The following GNA12 variants were observed in gnomAD, a reference collection of about 807,000 sequenced individuals.
GNA12 encodes the protein G protein subunit alpha 12.
GNA12 carries 9 observed loss-of-function variants against 26.0 expected under a neutral mutation model. The observed-to-expected ratio is 0.35, with a 90% CI of 0.21 to 0.60. The LOEUF (loss-of-function observed/expected upper bound fraction) is 0.60, where lower values mean the gene tolerates loss of function less well. Ranked by LOEUF, GNA12 falls within the 20% of genes least tolerant of loss-of-function variation. The pLI is 0.78. For synonymous variants in GNA12, 264 were observed against 219.6 expected, an observed-to-expected ratio of 1.20 and a Z score of -1.79; for missense variants, 405 against 525.8, an observed-to-expected ratio of 0.77 and a Z score of 2.25.
rs555024959 is a variant in GNA12 at position 2,836,639 on chromosome 7, G to GA, written c.309+7213dup. Among the ~76,000 whole-genome samples, 497 of 152,260 alleles carry GA rather than the reference G, an allele frequency of 3.3e-3. 2 individuals carry two copies. Among genetic ancestry groups the GA allele is most frequent in the Non-Finnish European group, 4.5e-3 (304 of 68,016 alleles). On this transcript the variant is annotated intron_variant, in intron 1 of 3. Transcript: ENST00000275364. ...GCCCGTCCTATTCCAAATAACAAGA[G>GA]AAGGCCAGGTGCGGTGGCCCACACC...
At chr7:2,819,473 A>C (rs1793297740) in intron 1 of GNA12, among the ~76,000 whole-genome samples, 1 of 152,214 alleles carries the variant, frequency 6.6e-6, no homozygotes, top group African/African-American at 2.4e-5. Flanking sequence ...CAGAAAACCA[A>C]AACAGCTGTG....
intron 1 of GNA12, among the ~76,000 whole-genome samples, chr7:2,840,403 T>G (rs1778956521): frequency 6.6e-6 from 1 of 152,214 alleles, no homozygotes; most frequent in Non-Finnish European, 1.5e-5. Context: ...TTATGAAAAT[T>G]CAACACCATA....
chr7:2,817,960 G>A (rs747684804), intron 1 of GNA12, among the ~76,000 whole-genome samples: 4 of 152,114 alleles, frequency 2.6e-5, no homozygotes, highest in African/African-American at 4.8e-5. Flanking sequence ...TAGAACACCT[G>A]CTTTCATAGT....
chr7:2,775,755 A>G (rs556186548), intron 2 of GNA12, among the ~76,000 whole-genome samples: 2 of 152,322 alleles, frequency 1.3e-5, no homozygotes, highest in African/African-American at 2.4e-5. Context: ...AAGAGACCTC[A>G]GAGGCTCATC....
chr7:2,741,481 C>T (rs1177387662), intron 2 of GNA12, among the ~76,000 whole-genome samples: 1 of 152,206 alleles, frequency 6.6e-6, no homozygotes, highest in Non-Finnish European at 1.5e-5. Context: ...CACAGTTGGA[C>T]TGCCTGTTAG....
chr7:2,785,535 T>A (rs910104348), intron 2 of GNA12, among the ~76,000 whole-genome samples: 5 of 152,270 alleles, frequency 3.3e-5, no homozygotes, highest in African/African-American at 1.2e-4. Flanking sequence ...GATGGTTTAA[T>A]ATCTGAAATA....
chr7:2,789,175 G>A (rs1269319242), intron 2 of GNA12, among the ~76,000 whole-genome samples: 1 of 109,812 alleles, frequency 9.1e-6, no homozygotes, highest in African/African-American at 3.7e-5. Context: ...TCGCTCTGTC[G>A]CCCAGGCTGG....
At chr7:2,745,219 A>C (rs1790709319) in intron 2 of GNA12, among the ~76,000 whole-genome samples, 2 of 152,260 alleles carry the variant, frequency 1.3e-5, no homozygotes, top group Non-Finnish European at 2.9e-5. Context: ...CATAATTGTC[A>C]GATTCACCAA....
intron 2 of GNA12, among the ~76,000 whole-genome samples, chr7:2,770,561 G>A (rs535684854): frequency 3.1e-4 from 47 of 152,308 alleles, no homozygotes; most frequent in African/African-American, 1.1e-3. Context: ...GTTTGAGGAT[G>A]CAGTGAGCTA....
Position 2,844,056 on chromosome 7 carries a change from C to T in GNA12, c.106G>A (p.Ala36Thr). Residue 36 changes from alanine (A) to threonine (T), a missense_variant, in exon 1 of 4, where the codon GCC becomes ACC. Coordinates refer to ENST00000275364, the MANE Select transcript of GNA12 (RefSeq NM_007353.3). ...GSGARDAERE[A>T]RRRSRDIDAL... ...TCGATGTCGCGGCTACGCCTCCGGG[C>T]CTCGCGCTCCGCGTCGCGCGCGCCG... The T allele has an allele frequency of 8.3e-7, 1 of 1,204,446 alleles. No individual in the cohort carries two copies. The highest frequency in any genetic ancestry group is 1.0e-6 in the Non-Finnish European group (1 of 968,712). 74.6% of individuals were successfully genotyped at this position (1,204,446 alleles called of 1,614,324 possible). A position where few individuals can be genotyped will look rare whatever the true frequency, so the allele number is the denominator to read the frequency against.
At chr7:2,785,585 T>C (rs138741232) in intron 2 of GNA12, among the ~76,000 whole-genome samples, 3 of 152,360 alleles carry the variant, frequency 2.0e-5, no homozygotes, top group East Asian at 3.9e-4. Flanking sequence ...ATTTCTGACA[T>C]TGTGACTTAT....
At chr7:2,834,507 C>A (rs1778772817) in intron 1 of GNA12, among the ~76,000 whole-genome samples, 1 of 152,226 alleles carries the variant, frequency 6.6e-6, no homozygotes, top group Non-Finnish European at 1.5e-5. Flanking sequence ...AATATCCCTT[C>A]TGCATCAGCA....
At chr7:2,773,868 C>T (rs202173063) in intron 2 of GNA12, among the ~76,000 whole-genome samples, 11 of 152,286 alleles carry the variant, frequency 7.2e-5, no homozygotes, top group Admixed American at 2.0e-4. Flanking sequence ...TCTACCCGGA[C>T]GCCCATCACC....
At chr7:2,764,679 C>G (rs559789504) in intron 2 of GNA12, 1 of 152,200 alleles carries the variant, frequency 6.6e-6, no homozygotes, top group Non-Finnish European at 1.5e-5. Flanking sequence ...CTGAATGCAT[C>G]TGAGTTTTGC....
chr7:2,739,415 GC>G (rs1165781656), intron 2 of GNA12, among the ~76,000 whole-genome samples: 1 of 152,164 alleles, frequency 6.6e-6, no homozygotes, highest in African/African-American at 2.4e-5. Context: ...TTTACTTGGT[GC>G]GGCATTTCCG....
chr7:2,766,866 G>A (rs1417015343), intron 2 of GNA12, among the ~76,000 whole-genome samples: 1 of 152,100 alleles, frequency 6.6e-6, no homozygotes, highest in Non-Finnish European at 1.5e-5. Context: ...AGTGCACAAG[G>A]GTTCCAGTTT....
chr7:2,738,661 C>T (rs1790336314), intron 2 of GNA12, among the ~76,000 whole-genome samples: 1 of 151,706 alleles, frequency 6.6e-6, no homozygotes, highest in Non-Finnish European at 1.5e-5. Flanking sequence ...CAGGAGTAGC[C>T]CTCTCTGAGT....
chr7:2,746,216 C>T (rs1201765340), intron 2 of GNA12, among the ~76,000 whole-genome samples: 1 of 152,200 alleles, frequency 6.6e-6, no homozygotes, highest in Non-Finnish European at 1.5e-5. Flanking sequence ...ACAGAATATA[C>T]ATTCTTTTCA....
Position 2,844,033 on chromosome 7 carries a change from G to T in GNA12, c.129C>A (p.Ile43=), listed in dbSNP as rs1779092567. The T allele has an allele frequency of 2.1e-6, 3 of 1,435,594 alleles. No homozygotes were observed. The highest frequency in any genetic ancestry group is 1.5e-5 in the African/African-American group (1 of 67,504). 88.9% of individuals were successfully genotyped at this position (1,435,594 alleles called of 1,614,324 possible). A position where few individuals can be genotyped will look rare whatever the true frequency, so the allele number is the denominator to read the frequency against. The change falls in exon 1 of 4, where the codon ATC becomes ATA. Residue 43 remains isoleucine, a synonymous_variant. Coordinates refer to ENST00000275364, the MANE Select transcript of GNA12 (RefSeq NM_007353.3). The stretch of plus-strand genomic sequence containing the variant: ...GCCGCTCGCGGGCCAGCAGCGCGTC[G>T]ATGTCGCGGCTACGCCTCCGGGCCT... The part of the protein sequence containing the change: ...EREARRRSRD[I]DALLARERRA...
Sources: gnomAD v4.1 joint callset for allele counts (sites outside exome capture counted in the v4.1 genomes callset) on GRCh38, gnomAD v4.1.1 for gene constraint, MANE v1.5 for transcripts, NCBI Gene and HGNC (gene_info 2026-07-23, HGNC 2026-07-21) for gene names.